DCDC2: variants seen among roughly 807,000 people sequenced by gnomAD.
The protein encoded by DCDC2 is doublecortin domain containing 2, also known as doublecortin domain-containing protein 2.
In DCDC2, 40 loss-of-function variants were observed where a neutral mutation model predicts 50.2. The observed-to-expected ratio is 0.80, with a 90% CI of 0.62 to 1.04. DCDC2 has a LOEUF of 1.04. Ranked by LOEUF, DCDC2 falls within the 50% of genes least tolerant of loss-of-function variation. The pLI is 0.00. For synonymous variants in DCDC2, 234 were observed against 210.6 expected, an observed-to-expected ratio of 1.11 and a Z score of -0.96; for missense variants, 570 against 581.9, an observed-to-expected ratio of 0.98 and a Z score of 0.21.
At chr6:24,332,667 G>C (rs1485873604) in intron 2 of DCDC2, among the ~76,000 whole-genome samples, 3 of 152,022 alleles carry the variant, frequency 2.0e-5, no homozygotes, top group Non-Finnish European at 4.4e-5. Flanking sequence ...CTTAATAATT[G>C]GAACAGTTTG....
At chr6:24,249,997 A>G (rs1340887432) in intron 7 of DCDC2, among the ~76,000 whole-genome samples, 1 of 152,222 alleles carries the variant, frequency 6.6e-6, no homozygotes. Context: ...GGACTCATCA[A>G]TTAGGCACTG....
chr6:24,288,281 T>C (rs1763660908), intron 6 of DCDC2, among the ~76,000 whole-genome samples: 1 of 152,218 alleles, frequency 6.6e-6, no homozygotes, highest in Admixed American at 6.5e-5. Context: ...GCTCACCCCA[T>C]CAGGGAGCGC....
chr6:24,300,618 A>G (rs807704), intron 4 of DCDC2, among the ~76,000 whole-genome samples: 23,741 of 152,206 alleles, frequency 0.16, 3,863 homozygotes, highest in African/African-American at 0.42. Context: ...ATATGTGTAA[A>G]TATACAAACA....
chr6:24,312,220 C>T (rs115720173), intron 2 of DCDC2, among the ~76,000 whole-genome samples: 3,928 of 151,668 alleles, frequency 0.026, 141 homozygotes, highest in African/African-American at 0.087. Context: ...TCTCCCTTTG[C>T]TGACTCCTTT....
At chr6:24,201,359 CCA>C (rs1440486270) in intron 8 of DCDC2, among the ~76,000 whole-genome samples, 2 of 152,116 alleles carry the variant, frequency 1.3e-5, no homozygotes, top group African/African-American at 4.8e-5. Context: ...TCATGAAAAA[CCA>C]CACAAGTACA....
At chr6:24,309,609 G>A (rs966254778) in intron 2 of DCDC2, among the ~76,000 whole-genome samples, 4 of 152,066 alleles carry the variant, frequency 2.6e-5, no homozygotes, top group Non-Finnish European at 5.9e-5. Context: ...TGAAATAATT[G>A]TTTAAATGTT....
At chr6:24,348,033 A>G (rs1028830287) in intron 2 of DCDC2, among the ~76,000 whole-genome samples, 2 of 152,212 alleles carry the variant, frequency 1.3e-5, no homozygotes, top group African/African-American at 2.4e-5. Context: ...AGAGACCACA[A>G]TCTAACAGAC....
At chr6:24,358,903 T>C (rs1389282935), upstream of DCDC2, among the ~76,000 whole-genome samples, 4 of 24,322 alleles carry the variant, frequency 1.6e-4, no homozygotes, top group Admixed American at 2.3e-3. Flanking sequence ...ATATATAATA[T>C]ATTATATATT....
upstream of DCDC2, among the ~76,000 whole-genome samples, chr6:24,359,108 TTATATATTATATATATTA>T (rs1445021680): frequency 1.6e-5 from 1 of 62,514 alleles, no homozygotes; most frequent in East Asian, 6.0e-4. Flanking sequence ...ATTTTATATA[TTATATATTATATATATTA>T]TATATTTTAT....
intron 6 of DCDC2, among the ~76,000 whole-genome samples, chr6:24,285,420 T>C (rs66735044): frequency 0.12 from 18,424 of 152,160 alleles, 1,136 homozygotes; most frequent in East Asian, 0.17. Flanking sequence ...ACTGTGCACT[T>C]TTCTTTCATT....
At chr6:24,192,608 A>G (rs1221008023) in intron 8 of DCDC2, among the ~76,000 whole-genome samples, 1 of 152,192 alleles carries the variant, frequency 6.6e-6, no homozygotes, top group African/African-American at 2.4e-5. Flanking sequence ...CAAGAACAGG[A>G]TGCTAAAAAA....
upstream of DCDC2, among the ~76,000 whole-genome samples, chr6:24,360,704 C>G (rs1315875722): frequency 6.6e-6 from 1 of 152,032 alleles, no homozygotes; most frequent in African/African-American, 2.4e-5. Context: ...GACTTTTCTA[C>G]CATGTGTCAT....
chr6:24,316,332 G>A (rs1759659120), intron 2 of DCDC2, among the ~76,000 whole-genome samples: 2 of 152,136 alleles, frequency 1.3e-5, no homozygotes, highest in Non-Finnish European at 2.9e-5. Context: ...GGTAATGGAG[G>A]AGAAAAAAAT....
chr6:24,171,992 A>G lies in DCDC2; in HGVS notation c.*2738T>C, dbSNP rs1002989445. On this transcript the variant is annotated 3_prime_UTR_variant, in exon 10 of 10. Coordinates refer to ENST00000378454, the MANE Select transcript of DCDC2 (RefSeq NM_016356.5). ...TAGCACTCTCTCTAGAAAACAGTACATGAAGCCAAACCAAGATCTTGTCTG... is the reference window on the plus strand; with the variant it reads ...TAGCACTCTCTCTAGAAAACAGTACGTGAAGCCAAACCAAGATCTTGTCTG... 3 of 152,228 alleles carry G rather than the reference A, an allele frequency of 2.0e-5. No homozygotes were observed. The East Asian group carries it at 5.8e-4, about 29-fold the overall frequency. The allele number at this position is 152,228 out of a possible 1,614,324, so 9.4% of individuals were successfully genotyped here.
At chr6:24,290,574 ATTTGGT>A (rs1317113762) in intron 5 of DCDC2, among the ~76,000 whole-genome samples, 4 of 152,166 alleles carry the variant, frequency 2.6e-5, no homozygotes, top group Non-Finnish European at 5.9e-5. Context: ...CTGAAAAGTT[ATTTGGT>A]CTAGCAACTA....
At chr6:24,291,183 T>C (rs1763736755) in intron 4 of DCDC2, 105 bp from the exon 5 acceptor site, 1 of 1,140,684 alleles carries the variant, frequency 8.8e-7, no homozygotes. Context: ...AATTACATAG[T>C]AAATAAAAAC....
chr6:24,275,866 A>ATTTTTTTTTTTTT (rs10685261), intron 7 of DCDC2, among the ~76,000 whole-genome samples: 1 of 108,120 alleles, frequency 9.2e-6, no homozygotes, highest in Non-Finnish European at 1.8e-5. Flanking sequence ...CAATAATTCA[A>ATTTTTTTTTTTTT]TTTTTTTTTT....
At chr6:24,308,802 A>G (rs917509288) in intron 2 of DCDC2, among the ~76,000 whole-genome samples, 6 of 152,222 alleles carry the variant, frequency 3.9e-5, no homozygotes, top group Admixed American at 6.5e-5. Context: ...AATTCATTCC[A>G]TGCGCTTTAG....
chr6:24,294,011 T>C (rs1385431377), intron 4 of DCDC2, among the ~76,000 whole-genome samples: 1 of 152,196 alleles, frequency 6.6e-6, no homozygotes, highest in Non-Finnish European at 1.5e-5. Flanking sequence ...CCAGAATCTC[T>C]GAGACATAGC....
Sources: gnomAD v4.1 joint callset for allele counts (sites outside exome capture counted in the v4.1 genomes callset) on GRCh38, gnomAD v4.1.1 for gene constraint, MANE v1.5 for transcripts, NCBI Gene and HGNC (gene_info 2026-07-23, HGNC 2026-07-21) for gene names.